SPRR2G: variants seen among roughly 807,000 people sequenced by gnomAD.
SPRR2G encodes the protein small proline rich protein 2G.
In SPRR2G, 1 loss-of-function variant was observed where a neutral mutation model predicts 0.7. That is an observed-to-expected ratio of 1.49 (90% CI 0.53 to 7.06). The LOEUF (loss-of-function observed/expected upper bound fraction) is 7.06. SPRR2G is among the 30% of genes most tolerant of loss of function. SPRR2G has a pLI of 0.14. For synonymous variants in SPRR2G, 38 were observed against 33.9 expected, an observed-to-expected ratio of 1.12 and a Z score of -0.42; for missense variants, 96 against 88.5, an observed-to-expected ratio of 1.09 and a Z score of -0.34.
the SPRR2G span, among the ~76,000 whole-genome samples, chr1:153,193,537 T>C: frequency 6.6e-6 from 1 of 152,206 alleles, no homozygotes; most frequent in Non-Finnish European, 1.5e-5. Context: ...TCAATGACTT[T>C]AAACTTCATT....
At chr1:153,195,174 C>T in the SPRR2G span, among the ~76,000 whole-genome samples, 1 of 152,176 alleles carries the variant, frequency 6.6e-6, no homozygotes, top group Non-Finnish European at 1.5e-5. Flanking sequence ...CAAAGAGGCT[C>T]TTCTGAAGCC....
the SPRR2G span, among the ~76,000 whole-genome samples, chr1:153,156,415 G>A: frequency 6.6e-6 from 1 of 152,156 alleles, no homozygotes; most frequent in South Asian, 2.1e-4. Flanking sequence ...GAATAACTTT[G>A]TAAACACCAT....
the SPRR2G span, among the ~76,000 whole-genome samples, chr1:153,199,635 C>A: frequency 6.6e-6 from 1 of 152,250 alleles, no homozygotes; most frequent in South Asian, 2.1e-4. Context: ...TCCTGTGCAG[C>A]CTTCCTTCCT....
At chr1:153,202,465 C>T in the SPRR2G span, among the ~76,000 whole-genome samples, 1 of 152,154 alleles carries the variant, frequency 6.6e-6, no homozygotes, top group Non-Finnish European at 1.5e-5. Flanking sequence ...TCTCAAAAAC[C>T]TGGTGTCATC....
At chr1:153,198,370 C>T in the SPRR2G span, among the ~76,000 whole-genome samples, 2 of 152,132 alleles carry the variant, frequency 1.3e-5, no homozygotes, top group Non-Finnish European at 1.5e-5. Flanking sequence ...ATAAAATTCA[C>T]TTCGGCAATG....
the SPRR2G span, among the ~76,000 whole-genome samples, chr1:153,159,342 C>A: frequency 0.027 from 4,106 of 152,270 alleles, 179 homozygotes; most frequent in African/African-American, 0.093. Flanking sequence ...CAGCAGTGAC[C>A]TTTACTCCAG....
chr1:153,171,627 C>A, the SPRR2G span, among the ~76,000 whole-genome samples: 1 of 152,166 alleles, frequency 6.6e-6, no homozygotes, highest in Non-Finnish European at 1.5e-5. Context: ...GGGTATCATG[C>A]ACCAAAATGC....
chr1:153,197,814 G>A, the SPRR2G span, among the ~76,000 whole-genome samples: 1 of 152,164 alleles, frequency 6.6e-6, no homozygotes. Context: ...AAGGCAAAAA[G>A]GAGGGGGATA....
chr1:153,167,678 A>T, the SPRR2G span, among the ~76,000 whole-genome samples: 1 of 152,192 alleles, frequency 6.6e-6, no homozygotes, highest in African/African-American at 2.4e-5. Flanking sequence ...ATAACTCAGA[A>T]AACATTTAAG....
upstream of SPRR2G, among the ~76,000 whole-genome samples, chr1:153,152,211 A>G (rs1482875536): frequency 6.6e-6 from 1 of 152,226 alleles, no homozygotes; most frequent in Non-Finnish European, 1.5e-5. Context: ...AATTTCAAAC[A>G]TGTCAAAAAC....
chr1:153,178,117 A>G, the SPRR2G span, among the ~76,000 whole-genome samples: 1 of 152,090 alleles, frequency 6.6e-6, no homozygotes, highest in Non-Finnish European at 1.5e-5. Flanking sequence ...TCTAAATTTT[A>G]TTTCCAATTG....
chr1:153,191,035 C>G, the SPRR2G span: 1 of 152,186 alleles, frequency 6.6e-6, no homozygotes, highest in Non-Finnish European at 1.5e-5. Flanking sequence ...TGGAAGGACC[C>G]TAGAGGCAAT....
chr1:153,165,902 C>T, the SPRR2G span, among the ~76,000 whole-genome samples: 1 of 152,288 alleles, frequency 6.6e-6, no homozygotes, highest in East Asian at 1.9e-4. Context: ...CATGGCCCCA[C>T]CAATAGCAGT....
the SPRR2G span, among the ~76,000 whole-genome samples, chr1:153,182,088 T>C: frequency 4.7e-4 from 71 of 152,284 alleles, no homozygotes; most frequent in Middle Eastern, 3.4e-3. Context: ...TTATTCTTCA[T>C]CTTTTTGATC....
At chr1:153,200,309 G>C in the SPRR2G span, among the ~76,000 whole-genome samples, 5 of 152,178 alleles carry the variant, frequency 3.3e-5, no homozygotes, top group Non-Finnish European at 5.9e-5. Context: ...TATTGAGTTG[G>C]AGAAGTGGGA....
chr1:153,160,065 C>G, the SPRR2G span, among the ~76,000 whole-genome samples: 4 of 152,186 alleles, frequency 2.6e-5, no homozygotes, highest in Admixed American at 6.5e-5. Context: ...TTTTCTATTT[C>G]CTTCTACCCC....
chr1:153,149,968 G>A lies in SPRR2G; in HGVS notation c.143C>T (p.Pro48Leu). The change falls in exon 2 of 2, where the codon CCT (proline) becomes CTT (leucine). Residue 48 changes from proline (P) to leucine (L), a missense_variant. Coordinates refer to ENST00000368748, the MANE Select transcript of SPRR2G (RefSeq NM_001014291.4). ...PPPCPPEHCPPPPCQDKCPPV... is the reference protein window; with the variant it reads ...PPPCPPEHCPLPPCQDKCPPV... ...AGGGCATTTATCCTGGCATGGTGGA[G>A]GTGGGCAATGCTCAGGTGGACAAGG... is the stretch of plus-strand genomic sequence containing the variant. The A allele has an allele frequency of 6.2e-7, 1 of 1,614,092 alleles. No homozygotes were observed.
At chr1:153,157,230 T>C in the SPRR2G span, among the ~76,000 whole-genome samples, 2 of 152,208 alleles carry the variant, frequency 1.3e-5, no homozygotes, top group Non-Finnish European at 2.9e-5. Flanking sequence ...TTGGATTACA[T>C]GTAGAATAAT....
the SPRR2G span, among the ~76,000 whole-genome samples, chr1:153,156,963 G>A: frequency 1.3e-5 from 2 of 151,946 alleles, no homozygotes; most frequent in Admixed American, 6.6e-5. Context: ...AAGATTGTTC[G>A]GCTTTATTCA....
Sources: gnomAD v4.1 joint callset for allele counts (sites outside exome capture counted in the v4.1 genomes callset) on GRCh38, gnomAD v4.1.1 for gene constraint, MANE v1.5 for transcripts, NCBI Gene and HGNC (gene_info 2026-07-23, HGNC 2026-07-21) for gene names.